Variants in CSMD3 observed in about 807,000 individuals in gnomAD.
The protein encoded by CSMD3 is CUB and sushi domain-containing protein 3.
A neutral mutation model predicts 435.2 loss-of-function variants in CSMD3; 177 were observed. The ratio of observed to expected loss-of-function variants is 0.41; its 90% CI spans 0.36 to 0.46. The LOEUF is 0.46. CSMD3 is among the 20% of genes least tolerant of loss of function. CSMD3 has a pLI of 0.34. For synonymous variants in CSMD3, 1,656 were observed against 1,520.5 expected (o/e 1.09, Z -2.07); for missense variants, 4,265 against 4,504.6 (o/e 0.95, Z 1.52).
At chr8:113,286,876 AAGAGAGAAAG>A (rs2093650523) in intron 2 of CSMD3, among the ~76,000 whole-genome samples, 1 of 151,936 alleles carries the variant, frequency 6.6e-6, no homozygotes, top group Non-Finnish European at 1.5e-5. Context: ...TGTAAGAGGT[AAGAGAGAAAG>A]GGAGAGAAAG....
At chr8:112,702,835 C>T (rs1398342857) in intron 13 of CSMD3, among the ~76,000 whole-genome samples, 1 of 152,018 alleles carries the variant, frequency 6.6e-6, no homozygotes, top group African/African-American at 2.4e-5. Context: ...CAGCCCACTC[C>T]ATACCGCTGT....
Position 112,909,220 on chromosome 8 carries a change from A to G in CSMD3, c.1633+12407T>C, listed in dbSNP as rs536444038. ...TACCCAAAATCAAGCACATAAACAT[A>G]AACTTATATTAACTCCAAATTGGTT... On this transcript the variant is annotated intron_variant, in intron 10 of 70. Transcript: ENST00000297405. 4.3e-4 allele frequency among the ~76,000 whole-genome samples: 65 copies of G among 151,750 alleles called. No homozygotes were observed. In the South Asian group the frequency reaches 0.013, roughly 31 times the overall value.
chr8:112,700,159 C>T lies in CSMD3; in HGVS notation c.1973-10109G>A, dbSNP rs1468324871. ...GTTTGCAACTTGTTCTCAAATCATT[C>T]CGTAGTAGTTTTAAAACATGTCTGC... On this transcript the variant is annotated intron_variant, in intron 13 of 70. Transcript: ENST00000297405. 2.0e-5 allele frequency among the ~76,000 whole-genome samples: 3 copies of T among 152,030 alleles called. No individual in the cohort carries two copies. In the East Asian group the frequency reaches 5.8e-4, roughly 29 times the overall value.
rs1822233959 is a variant in CSMD3 at position 112,503,866 on chromosome 8, G to T, written c.5007C>A (p.Ser1669Arg). 1.2e-6 allele frequency: 2 copies of T among 1,612,702 alleles called. No individual in the cohort carries two copies. Among genetic ancestry groups the T allele is most frequent in the Non-Finnish European group, 1.7e-6 (2 of 1,179,220 alleles). Reference protein sequence around the residue: ...QDSKLPERIESSSNTMHLAFR... With the variant: ...QDSKLPERIERSSNTMHLAFR... ...AAGCCAAATGCATTGTATTTGAGCTGCTTTCTATTCTCTCTGGTAACTTGC... is the reference window on the plus strand; with the variant it reads ...AAGCCAAATGCATTGTATTTGAGCTTCTTTCTATTCTCTCTGGTAACTTGC... Residue 1669 changes from serine to arginine, a missense_variant, in exon 30 of 71, where the codon AGC becomes AGA. Transcript: ENST00000297405.
chr8:112,503,722 A>G (rs1822216359), intron 30 of CSMD3, 68 bp downstream of exon 30: 3 of 1,179,738 alleles, frequency 2.5e-6, no homozygotes, highest in African/African-American at 1.5e-5. Flanking sequence ...GGGCCATACC[A>G]AATTATTCTC....
In CSMD3 at chr8:112,786,915, T is replaced by C. The variant is rs538909351; in HGVS notation, c.1972+13247A>G. Among the ~76,000 whole-genome samples the C allele has an allele frequency of 2.1e-3, 316 of 152,124 alleles. 1 individual carries two copies. Among genetic ancestry groups the C allele is most frequent in the African/African-American group, 7.3e-3 (304 of 41,524 alleles). On this transcript the variant is annotated intron_variant, in intron 13 of 70. Coordinates refer to ENST00000297405, the MANE Select transcript of CSMD3 (RefSeq NM_198123.2). Reference sequence around the variant, plus strand: ...CCTCACCTCCCGACAGGCCCTGGTGTGTGATGTCCTCCCTATGTCCATGTG... The same window carrying C: ...CCTCACCTCCCGACAGGCCCTGGTGCGTGATGTCCTCCCTATGTCCATGTG...
At chr8:113,291,687 C>G (rs1224341928) in intron 2 of CSMD3, among the ~76,000 whole-genome samples, 2 of 151,698 alleles carry the variant, frequency 1.3e-5, no homozygotes, top group Non-Finnish European at 2.9e-5. Flanking sequence ...ACCAGTGTAT[C>G]AGATACTGAA....
chr8:112,741,201 T>C (rs938305993), intron 13 of CSMD3, among the ~76,000 whole-genome samples: 1 of 151,848 alleles, frequency 6.6e-6, no homozygotes, highest in East Asian at 1.9e-4. Context: ...AGAAAACATT[T>C]ACAAACTGTA....
chr8:113,313,045 G>GTC lies in CSMD3; in HGVS notation c.401+1525_401+1526insGA, dbSNP rs2093882169. On this transcript the variant is annotated intron_variant, in intron 2 of 70. Transcript: ENST00000297405. ...AGGCATTTTTAAGTGTCATCTGACT[G>GTC]GAAGCAGTTCGATGTGCTCTAATAG... 4 of 152,292 alleles carry GTC rather than the reference G, an allele frequency of 2.6e-5. No individual in the cohort carries two copies. In the South Asian group the frequency reaches 8.3e-4, roughly 32 times the overall value. 9.4% of individuals were successfully genotyped at this position (152,292 alleles called of 1,614,324 possible).
intron 10 of CSMD3, among the ~76,000 whole-genome samples, chr8:112,865,721 CACACACAG>C (rs2080962091): frequency 6.7e-6 from 1 of 150,262 alleles, no homozygotes; most frequent in Non-Finnish European, 1.5e-5. Flanking sequence ...CACACACACA[CACACACAG>C]ACCATTGTTT....
chr8:113,231,883 A>T (rs1325510408), intron 3 of CSMD3, among the ~76,000 whole-genome samples: 3 of 151,546 alleles, frequency 2.0e-5, no homozygotes, highest in African/African-American at 7.2e-5. Context: ...GTTGACTATA[A>T]GCTCTGCCTG....
At position 113,379,290 on chromosome 8, in the gene CSMD3, T is replaced by TA. The variant is rs545483441; in HGVS notation, c.178+57386dup. On this transcript the variant is annotated intron_variant, in intron 1 of 70. Coordinates refer to ENST00000297405, the MANE Select transcript of CSMD3 (RefSeq NM_198123.2). Reference sequence around the variant, plus strand: ...GCTAAAAAGGGATTTTTCTGAGAATTAAAAAAAACACACACACACATTCTG... The same window carrying TA: ...GCTAAAAAGGGATTTTTCTGAGAATTAAAAAAAAACACACACACACATTCTG... Among the ~76,000 whole-genome samples the TA allele has an allele frequency of 3.8e-3, 579 of 151,890 alleles. 3 individuals are homozygous for TA. Among genetic ancestry groups the TA allele is most frequent in the Middle Eastern group, 0.024 (7 of 292 alleles).
At chr8:113,008,127 A>C (rs1343617910) in intron 6 of CSMD3, among the ~76,000 whole-genome samples, 1 of 151,878 alleles carries the variant, frequency 6.6e-6, no homozygotes, top group Admixed American at 6.6e-5. Context: ...GTATTTTTTA[A>C]ATTATTAACA....
rs3039663 is a variant in CSMD3, at chr8:112,741,794, A to AAGATAGATAGATAGATAGATAGAT, written c.1973-51768_1973-51745dup. Among the ~76,000 whole-genome samples the AAGATAGATAGATAGATAGATAGAT allele has an allele frequency of 1.1e-3, 163 of 149,468 alleles. 1 individual carries two copies. Among genetic ancestry groups the AAGATAGATAGATAGATAGATAGAT allele is most frequent in the Admixed American group, 1.7e-3 (25 of 14,884 alleles). On this transcript the variant is annotated intron_variant, in intron 13 of 70. Transcript: ENST00000297405. The stretch of plus-strand genomic sequence containing the variant: ...AGATGATAGATAGATAGATAGAGAG[A>AAGATAGATAGATAGATAGATAGAT]AGATAGATAGATAGATAGATAGATA...
chr8:112,320,053 A>G (rs921360913), intron 45 of CSMD3, 72 bp from the exon 46 acceptor site: 1 of 921,832 alleles, frequency 1.1e-6, no homozygotes, highest in East Asian at 2.4e-5. Context: ...AAAAAACAAG[A>G]AAATTATGGA....
intron 13 of CSMD3, among the ~76,000 whole-genome samples, chr8:112,746,931 A>C (rs2132080152): frequency 6.6e-6 from 1 of 152,224 alleles, no homozygotes; most frequent in South Asian, 2.1e-4. Flanking sequence ...TGTTGATTTC[A>C]AAATTCATGT....
Position 112,551,797 on chromosome 8 carries a change from T to C in CSMD3, c.4361+797A>G, listed in dbSNP as rs143520135. ...ACCTAGAAGCCTGTCTGAAATTCCATTGTATATAAATGGAATTTATATTAC... is the reference window on the plus strand; with the variant it reads ...ACCTAGAAGCCTGTCTGAAATTCCACTGTATATAAATGGAATTTATATTAC... On this transcript the variant is annotated intron_variant, in intron 26 of 70. Coordinates refer to ENST00000297405, the MANE Select transcript of CSMD3 (RefSeq NM_198123.2). Among the ~76,000 whole-genome samples, 220 of 152,194 alleles carry C rather than the reference T, an allele frequency of 1.4e-3. 2 individuals carry two copies. The highest frequency in any genetic ancestry group is 5.0e-3 in the African/African-American group (208 of 41,554).
intron 32 of CSMD3, among the ~76,000 whole-genome samples, chr8:112,431,319 G>A (rs1187952016): frequency 6.6e-6 from 1 of 151,880 alleles, no homozygotes; most frequent in Non-Finnish European, 1.5e-5. Flanking sequence ...AAGCTGACTG[G>A]CAATATAAAA....
chr8:112,350,035 G>A (rs1026976449), intron 40 of CSMD3, among the ~76,000 whole-genome samples: 2 of 152,036 alleles, frequency 1.3e-5, no homozygotes, highest in Admixed American at 1.3e-4. Context: ...CACCAGGAGC[G>A]TGGGTGCACA....
Sources: allele counts gnomAD v4.1 joint callset (sites outside exome capture counted in the v4.1 genomes callset), GRCh38; gene constraint gnomAD v4.1.1; transcripts MANE v1.5; gene names NCBI Gene and HGNC (gene_info 2026-07-23, HGNC 2026-07-21).